ABCA4: variants seen among roughly 807,000 people sequenced by gnomAD.
ABCA4 encodes retinal-specific phospholipid-transporting ATPase ABCA4.
In ABCA4, 196 loss-of-function variants were observed where a neutral mutation model predicts 263.7. The observed-to-expected ratio is 0.74, with a 90% confidence interval of 0.66 to 0.84. The LOEUF is 0.84. Among genes scored for constraint, ABCA4 ranks in the 40% least tolerant of loss-of-function variants. The probability of loss-of-function intolerance (pLI) is 0.00; values close to 1 mark genes in which losing one functional copy is unlikely to be tolerated. For synonymous variants in ABCA4, 1,133 were observed against 1,094.2 expected, an observed-to-expected ratio of 1.04 and a Z score of -0.70; for missense variants, 2,792 against 2,855.1, an observed-to-expected ratio of 0.98 and a Z score of 0.50.
intron 4 of ABCA4, among the ~76,000 whole-genome samples, chr1:94,104,856 C>T (rs1415801671): frequency 1.3e-5 from 2 of 152,164 alleles, no homozygotes; most frequent in African/African-American, 4.8e-5. Flanking sequence ...TGCTTTTCCT[C>T]CTGTCCCTGG....
chr1:94,101,430 G>A (rs576623112), intron 5 of ABCA4, among the ~76,000 whole-genome samples: 1 of 152,316 alleles, frequency 6.6e-6, no homozygotes, highest in South Asian at 2.1e-4. Flanking sequence ...CTGCCTCCAG[G>A]CTGACCCTAG....
intron 36 of ABCA4, among the ~76,000 whole-genome samples, chr1:94,016,752 A>G (rs1253137434): frequency 6.6e-6 from 1 of 152,166 alleles, no homozygotes; most frequent in African/African-American, 2.4e-5. Context: ...GTGTACATCC[A>G]TATCTTCCCT....
At chr1:94,087,378 A>C (rs1383113515) in intron 6 of ABCA4, among the ~76,000 whole-genome samples, 2 of 152,226 alleles carry the variant, frequency 1.3e-5, no homozygotes, top group East Asian at 3.8e-4. Flanking sequence ...ATTGATGCTT[A>C]TCTATGCAAT....
At chr1:94,111,385 C>A in intron 3 of ABCA4, 53 bp downstream of exon 3, 1 of 1,603,792 alleles carries the variant, frequency 6.2e-7, no homozygotes, top group South Asian at 1.1e-5. Flanking sequence ...CATTTCAGCA[C>A]GTGAAGGGGT....
At position 94,078,577 on chromosome 1, in the gene ABCA4, C is replaced by CA. The variant is rs376201925; in HGVS notation, c.1356+12dup. The CA allele has an allele frequency of 1.6e-6, 2 of 1,237,088 alleles. No homozygotes were observed. Among genetic ancestry groups the CA allele is most frequent in the South Asian group, 1.2e-5 (1 of 82,916 alleles). The allele number at this position is 1,237,088 out of a possible 1,614,324, so 76.6% of individuals were successfully genotyped here. A position where few individuals can be genotyped will look rare whatever the true frequency, so the allele number is the denominator to read the frequency against. On this transcript the variant is annotated intron_variant, in intron 10 of 49. Coordinates refer to ENST00000370225, the MANE Select transcript of ABCA4 (RefSeq NM_000350.3). Reference sequence around the variant, plus strand: ...CTCCTCCCCTCCCCTCCCCATCCTCCAACCCCCCTTACTCTGATCATGTTC... The same window carrying CA: ...CTCCTCCCCTCCCCTCCCCATCCTCCAAACCCCCCTTACTCTGATCATGTTC...
At chr1:94,091,410 C>G (rs1272522709) in intron 6 of ABCA4, among the ~76,000 whole-genome samples, 4 of 152,102 alleles carry the variant, frequency 2.6e-5, no homozygotes. Flanking sequence ...TATAAAATAA[C>G]TTTCCCAGGG....
chr1:94,029,712 C>A, intron 29 of ABCA4, 81 bp from the exon 30 acceptor site: 1 of 1,325,832 alleles, frequency 7.5e-7, no homozygotes, highest in Non-Finnish European at 1.1e-6. Context: ...TGTGCCCAAC[C>A]CTTTCCTCCT....
intron 38 of ABCA4, among the ~76,000 whole-genome samples, chr1:94,013,848 A>G (rs1270320501): frequency 6.6e-6 from 1 of 152,212 alleles, no homozygotes; most frequent in Non-Finnish European, 1.5e-5. Context: ...AAGCGGGAGA[A>G]AGACCGTATA....
At position 93,997,864 on chromosome 1, in the gene ABCA4, G is replaced by A. The variant is rs1303822271; in HGVS notation, c.6726C>T (p.Asp2242=). The A allele has an allele frequency of 6.2e-7, 1 of 1,614,052 alleles. No homozygotes were observed. Among genetic ancestry groups the A allele is most frequent in the Non-Finnish European group, 8.5e-7 (1 of 1,179,988 alleles). The change falls in exon 48 of 50, where the codon GAC becomes GAT. Residue 2242 remains aspartate, a synonymous_variant. Transcript: ENST00000370225. ...EEYSVTQTTL[D]QVFVNFAKQQ... is the part of the protein sequence containing the mutation. ...CGGTGCCCCAGGGCCAACTTGCCTG[G>A]TCCAGTGTGGTCTGTGTGACTGAGT...
chr1:94,075,489 C>T (rs778235743), intron 11 of ABCA4, among the ~76,000 whole-genome samples: 57 of 152,274 alleles, frequency 3.7e-4, no homozygotes, highest in Non-Finnish European at 6.6e-4. Context: ...TGGGGAGCCT[C>T]GGCTGCCACT....
In ABCA4 at chr1:94,019,719, TCACGCAGATGGCAAC is replaced by T. The variant is rs62646872; in HGVS notation, c.5044_5058del (p.Val1682_Val1686del). 9 of 1,613,372 alleles carry T rather than the reference TCACGCAGATGGCAAC, an allele frequency of 5.6e-6. No homozygotes were observed. The Admixed American group carries it at 1.3e-4, about 24-fold the overall frequency. On this transcript the variant is annotated inframe_deletion, in exon 36 of 50. Transcript: ENST00000370225. Reference sequence around the variant, plus strand: ...GCTGGGACGAAGGACATGGAGAAAATCACGCAGATGGCAACCACAGCATCCACTGAAGTGGTCAGC... The same window carrying T: ...GCTGGGACGAAGGACATGGAGAAAATCACAGCATCCACTGAAGTGGTCAGC...
intron 30 of ABCA4, among the ~76,000 whole-genome samples, chr1:94,028,917 A>AC (rs1557771798): frequency 2.0e-5 from 3 of 149,358 alleles, no homozygotes; most frequent in South Asian, 2.1e-4. Flanking sequence ...AAAAAAAAAA[A>AC]AAAAAAAAAA....
Position 94,045,992 on chromosome 1 carries a change from GC to G in ABCA4, c.2918+926del, listed in dbSNP as rs1170230776. 1.5e-5 allele frequency: 7 copies of G among 455,542 alleles called. No individual in the cohort carries two copies. The Admixed American group carries it at 1.6e-4, about 11-fold the overall frequency. 28.2% of individuals were successfully genotyped at this position (455,542 alleles called of 1,614,324 possible). A position where few individuals can be genotyped will look rare whatever the true frequency, so the allele number is the denominator to read the frequency against. ...TGAGAGATCCGCGCAGAGCCCCTTT[GC>G]CTTCCCTGCCCTGACCTTCTGTTAC... On this transcript the variant is annotated intron_variant, in intron 19 of 49. Transcript: ENST00000370225.
At position 94,031,081 on chromosome 1, in the gene ABCA4, G is replaced by T. The variant is rs750384181; in HGVS notation, c.4168C>A (p.Leu1390Ile). 1 of 1,614,144 alleles carries T rather than the reference G, an allele frequency of 6.2e-7. No homozygotes were observed. The highest frequency in any genetic ancestry group is 8.5e-7 in the Non-Finnish European group (1 of 1,180,012). The stretch of plus-strand genomic sequence containing the variant: ...CCAAAAGGAGGGATAACAATAGAAA[G>T]CATCAGAGCCAAAAACACAAAGGTA... Reference protein sequence around the residue: ...PATFVFLALMLSIVIPPFGEY... With the variant: ...PATFVFLALMISIVIPPFGEY... The change falls in exon 28 of 50, where the codon CTT becomes ATT. Residue 1390 changes from leucine (L) to isoleucine (I), a missense_variant. Transcript: ENST00000370225.
At chr1:94,063,600 A>C (rs1661188776) in intron 11 of ABCA4, among the ~76,000 whole-genome samples, 1 of 152,246 alleles carries the variant, frequency 6.6e-6, no homozygotes, top group South Asian at 2.1e-4. Flanking sequence ...CAAATATGCA[A>C]GTCTTCAAAA....
rs1324659505 is a variant in ABCA4 at position 94,015,480 on chromosome 1, G to A, written c.5312+259C>T. The stretch of plus-strand genomic sequence containing the variant: ...GGCTTTGGTCAAGGCCTCAGTTTGA[G>A]TAGGAGATTCAGATCATGTGGGACT... On this transcript the variant is annotated intron_variant, in intron 37 of 49. Coordinates refer to ENST00000370225, the MANE Select transcript of ABCA4 (RefSeq NM_000350.3). Among the ~76,000 whole-genome samples the A allele has an allele frequency of 3.3e-5, 5 of 152,166 alleles. No homozygotes were observed. In the East Asian group the frequency reaches 9.6e-4, roughly 29 times the overall value.
chr1:94,008,353 G>A (rs1185637407), intron 41 of ABCA4, 56 bp from the exon 42 acceptor site: 13 of 1,552,128 alleles, frequency 8.4e-6, no homozygotes, highest in Admixed American at 3.3e-5. Context: ...AGCAAGGAGG[G>A]GAAGAGGGAA....
In ABCA4 at chr1:94,097,819, G is replaced by A. The variant is rs147764712; in HGVS notation, c.768+975C>T. Among the ~76,000 whole-genome samples, 1,283 of 152,204 alleles carry A rather than the reference G, an allele frequency of 8.4e-3. 14 individuals carry two copies. The highest frequency in any genetic ancestry group is 0.038 in the South Asian group (182 of 4,824). ...GGCTGGAGTGCAGTGGCGCAATCTC[G>A]GCTCACTGCAAGCTCCGCCTCCCGG... On this transcript the variant is annotated intron_variant, in intron 6 of 49. Coordinates refer to ENST00000370225, the MANE Select transcript of ABCA4 (RefSeq NM_000350.3).
At chr1:94,040,289 A>G (rs1351521062) in intron 23 of ABCA4, among the ~76,000 whole-genome samples, 162 bp from the exon 24 acceptor site, 1 of 152,152 alleles carries the variant, frequency 6.6e-6, no homozygotes, top group Non-Finnish European at 1.5e-5. Flanking sequence ...TCATCTGAGC[A>G]TTTTGAGGGT....
Sources: allele counts gnomAD v4.1 joint callset (sites outside exome capture counted in the v4.1 genomes callset), GRCh38; gene constraint gnomAD v4.1.1; transcripts MANE v1.5; gene names NCBI Gene and HGNC (gene_info 2026-07-23, HGNC 2026-07-21).